BCAS3: variants seen among roughly 807,000 people sequenced by gnomAD.
The protein encoded by BCAS3 is BCAS3 microtubule associated cell migration factor, also known as BCAS4/BCAS3 fusion.
In BCAS3, 53 loss-of-function variants were observed where a neutral mutation model predicts 116.1. The observed-to-expected ratio is 0.46, with a 90% CI of 0.37 to 0.57. The LOEUF (loss-of-function observed/expected upper bound fraction) is 0.57, where lower values mean the gene tolerates loss of function less well. Ranked by LOEUF, BCAS3 falls within the 20% of genes least tolerant of loss-of-function variation. The pLI, the probability that BCAS3 is intolerant of heterozygous loss-of-function variation, is 0.00. For synonymous variants in BCAS3, 391 were observed against 408.2 expected, an observed-to-expected ratio of 0.96 and a Z score of 0.51; for missense variants, 917 against 1,165.4, an observed-to-expected ratio of 0.79 and a Z score of 3.10.
chr17:60,987,952 G>A (rs1296456443), intron 14 of BCAS3, among the ~76,000 whole-genome samples: 2 of 152,074 alleles, frequency 1.3e-5, no homozygotes, highest in Non-Finnish European at 2.9e-5. Flanking sequence ...TAAGATACTA[G>A]CTGTGGGTCC....
At chr17:60,825,350 C>G (rs1385817669) in intron 7 of BCAS3, among the ~76,000 whole-genome samples, 1 of 151,358 alleles carries the variant, frequency 6.6e-6, no homozygotes. Context: ...GTTAAAAGAG[C>G]TTAAAGCTTA....
In BCAS3 at chr17:61,141,899, C is replaced by CA. The variant is rs1175455472; in HGVS notation, c.2425+57337dup. Reference sequence around the variant, plus strand: ...CTGGTGACAGAGCGAGACCCCACCTCAAGAAAAAAAAAAAAAAAAAAGTTA... The same window carrying CA: ...CTGGTGACAGAGCGAGACCCCACCTCAAAGAAAAAAAAAAAAAAAAAAGTTA... On this transcript the variant is annotated intron_variant, in intron 22 of 23. Transcript: ENST00000407086. The surrounding 1 kb of genome is among the most constrained non-coding windows in gnomAD (Gnocchi z 4.3). Among the ~76,000 whole-genome samples the CA allele has an allele frequency of 1.3e-3, 44 of 33,048 alleles. No homozygotes were observed. Among genetic ancestry groups the CA allele is most frequent in the African/African-American group, 4.1e-3 (39 of 9,550 alleles). 21.7% of individuals were successfully genotyped at this position (33,048 alleles called of 152,430 possible).
rs185191978 is a variant in BCAS3, at chr17:61,151,633, T to C, written c.2425+67069T>C. 2.6e-5 allele frequency among the ~76,000 whole-genome samples: 4 copies of C among 152,106 alleles called. No homozygotes were observed. The highest frequency in any genetic ancestry group is 9.7e-5 in the African/African-American group (4 of 41,414). On this transcript the variant is annotated intron_variant, in intron 22 of 23. Coordinates refer to ENST00000407086, the MANE Select transcript of BCAS3 (RefSeq NM_017679.5). The surrounding 1 kb of genome is among the most constrained non-coding windows in gnomAD (Gnocchi z 4.8). The stretch of plus-strand genomic sequence containing the variant: ...CTAGCACGCCCAGCAAATTTTTAAA[T>C]TTTTGGCAGAAACAAGTTCTCGCCA...
intron 7 of BCAS3, among the ~76,000 whole-genome samples, chr17:60,857,790 A>G (rs949902107): frequency 5.3e-5 from 8 of 152,190 alleles, no homozygotes; most frequent in Non-Finnish European, 1.0e-4. Flanking sequence ...GAAGACCCTT[A>G]TTTTAAAGAA....
intron 22 of BCAS3, among the ~76,000 whole-genome samples, chr17:61,253,187 C>T (rs1347349451): frequency 6.6e-6 from 1 of 151,448 alleles, no homozygotes; most frequent in Admixed American, 6.6e-5. Context: ...GTTGCTATAC[C>T]ATTTGTTCCT....
At chr17:60,957,968 A>G (rs1285765170) in intron 14 of BCAS3, among the ~76,000 whole-genome samples, 1 of 152,256 alleles carries the variant, frequency 6.6e-6, no homozygotes, top group Non-Finnish European at 1.5e-5. Flanking sequence ...AACAATGAAC[A>G]GTAGTTTTCT....
chr17:61,019,391 G>A lies in BCAS3; in HGVS notation c.1637+3490G>A, dbSNP rs72844903. Among the ~76,000 whole-genome samples the A allele has an allele frequency of 0.1, 15,843 of 152,130 alleles. 1,016 individuals carry two copies. Among genetic ancestry groups the A allele is most frequent in the Non-Finnish European group, 0.15 (9,904 of 67,970 alleles). On this transcript the variant is annotated intron_variant, in intron 16 of 23. Coordinates refer to ENST00000407086, the MANE Select transcript of BCAS3 (RefSeq NM_017679.5). The surrounding 1 kb of genome is among the most constrained non-coding windows in gnomAD (Gnocchi z 5.6). ...TAAGCCACTCTCTGAAGAGTTTGTTGATTATACCTGGAAACTACTATTGAC... is the reference window on the plus strand; with the variant it reads ...TAAGCCACTCTCTGAAGAGTTTGTTAATTATACCTGGAAACTACTATTGAC...
Position 61,254,282 on chromosome 17 carries a change from T to G in BCAS3, c.2426-114045T>G, listed in dbSNP as rs1258006591. Among the ~76,000 whole-genome samples, 5 of 152,218 alleles carry G rather than the reference T, an allele frequency of 3.3e-5. No individual in the cohort carries two copies. The South Asian group carries it at 1.0e-3, about 32-fold the overall frequency. On this transcript the variant is annotated intron_variant, in intron 22 of 23. Transcript: ENST00000407086. ...CAGGCCTCACAGAACACTTCTGCCG[T>G]AAAGAGGGCTTGCTTTCAGAATGCT...
In BCAS3 at chr17:61,215,139, A is replaced by G. The variant is rs577027000; in HGVS notation, c.2425+130575A>G. Among the ~76,000 whole-genome samples, 15 of 152,348 alleles carry G rather than the reference A, an allele frequency of 9.8e-5. No individual in the cohort carries two copies. The South Asian group carries it at 2.5e-3, about 25-fold the overall frequency. The stretch of plus-strand genomic sequence containing the variant: ...GACTTAATCTAATTATTTTCAGTTC[A>G]GGGAGCTTCCTGAAAATGGAGGACA... On this transcript the variant is annotated intron_variant, in intron 22 of 23. Transcript: ENST00000407086. This position sits in a 1 kb window ranked among gnomAD's most constrained non-coding sequence, Gnocchi z 4.8.
intron 21 of BCAS3, among the ~76,000 whole-genome samples, chr17:61,080,549 C>G (rs960272537): frequency 2.6e-5 from 4 of 151,986 alleles, no homozygotes; most frequent in African/African-American, 9.7e-5. Flanking sequence ...TCGAGACCAG[C>G]CTGGCCAACA....
In BCAS3 at chr17:61,251,738, A is replaced by G. The variant is rs541391518; in HGVS notation, c.2426-116589A>G. Among the ~76,000 whole-genome samples, 7 of 152,358 alleles carry G rather than the reference A, an allele frequency of 4.6e-5. No individual in the cohort carries two copies. In the South Asian group the frequency reaches 1.4e-3, roughly 32 times the overall value. ...GCAGATAATCTGGCCCCCATAAAAA[A>G]GCAATAGCAACTGGGAAAAGGCTAG... On this transcript the variant is annotated intron_variant, in intron 22 of 23. Coordinates refer to ENST00000407086, the MANE Select transcript of BCAS3 (RefSeq NM_017679.5). The surrounding 1 kb of genome is among the most constrained non-coding windows in gnomAD (Gnocchi z 4.7).
intron 10 of BCAS3, among the ~76,000 whole-genome samples, chr17:60,898,318 A>C (rs577922157): frequency 1.2e-4 from 19 of 152,314 alleles, no homozygotes; most frequent in African/African-American, 4.6e-4. Flanking sequence ...CATCAGGTGC[A>C]ACAGTTACTT....
rs907669238 is a variant in BCAS3 at position 61,278,224 on chromosome 17, G to T, written c.2426-90103G>T. On this transcript the variant is annotated intron_variant, in intron 22 of 23. Coordinates refer to ENST00000407086, the MANE Select transcript of BCAS3 (RefSeq NM_017679.5). This position sits in a 1 kb window ranked among gnomAD's most constrained non-coding sequence, Gnocchi z 5.8. ...TGCCCAGCTAATTTTTGTATTTTTAGTAGAGACGGGGTTTCACCATGTTGG... is the reference window on the plus strand; with the variant it reads ...TGCCCAGCTAATTTTTGTATTTTTATTAGAGACGGGGTTTCACCATGTTGG... Among the ~76,000 whole-genome samples the T allele has an allele frequency of 6.6e-6, 1 of 152,120 alleles. No homozygotes were observed. The highest frequency in any genetic ancestry group is 1.5e-5 in the Non-Finnish European group (1 of 68,026).
rs1318783242 is a variant in BCAS3, at chr17:60,910,836, G to A, written c.993+134G>A. ...AGGAATTCAGATTATTTCAAATGAGGTTTTTCTTTAAAAATGATTAGTAAC... is the reference window on the plus strand; with the variant it reads ...AGGAATTCAGATTATTTCAAATGAGATTTTTCTTTAAAAATGATTAGTAAC... On this transcript the variant is annotated intron_variant, in intron 12 of 23. Transcript: ENST00000407086. 1.1e-5 allele frequency: 9 copies of A among 831,662 alleles called. No individual in the cohort carries two copies. In the East Asian group the frequency reaches 1.2e-4, roughly 11 times the overall value. 51.5% of individuals were successfully genotyped at this position (831,662 alleles called of 1,614,324 possible).
At position 61,087,144 on chromosome 17, in the gene BCAS3, G is replaced by T. The variant is rs2073157502; in HGVS notation, c.2425+2580G>T. The T allele has an allele frequency of 1.0e-6, 1 of 985,252 alleles. No homozygotes were observed. The highest frequency in any genetic ancestry group is 1.1e-4 in the East Asian group (1 of 8,830). 61.0% of individuals were successfully genotyped at this position (985,252 alleles called of 1,614,324 possible). Reference sequence around the variant, plus strand: ...ATTTTTATAATTGCTCTTGAACCGGGAAGTGCACCTCTGATTATGATCCAT... The same window carrying T: ...ATTTTTATAATTGCTCTTGAACCGGTAAGTGCACCTCTGATTATGATCCAT... On this transcript the variant is annotated intron_variant, in intron 22 of 23. Transcript: ENST00000407086. The surrounding 1 kb of genome is among the most constrained non-coding windows in gnomAD (Gnocchi z 4.6).
intron 5 of BCAS3, among the ~76,000 whole-genome samples, chr17:60,736,283 A>G (rs2040948539): frequency 6.6e-6 from 1 of 151,840 alleles, no homozygotes; most frequent in African/African-American, 2.4e-5. Flanking sequence ...CATGAGAGAT[A>G]TTGATCTGTG....
rs527364457 is a variant in BCAS3 at position 60,961,407 on chromosome 17, A to G, written c.1221+14055A>G. ...AATGTCCAGGTGGAAACTGTCATGC[A>G]GGAGCTGCTGCTTCAATCTATAGGA... On this transcript the variant is annotated intron_variant, in intron 14 of 23. Transcript: ENST00000407086. This position sits in a 1 kb window ranked among gnomAD's most constrained non-coding sequence, Gnocchi z 4.8. Among the ~76,000 whole-genome samples the G allele has an allele frequency of 6.6e-6, 1 of 152,184 alleles. No homozygotes were observed. The highest frequency in any genetic ancestry group is 1.5e-5 in the Non-Finnish European group (1 of 68,036).
chr17:61,376,411 A>C lies in BCAS3; in HGVS notation c.2593+7917A>C, dbSNP rs937060414. 6.6e-6 allele frequency among the ~76,000 whole-genome samples: 1 copy of C among 152,114 alleles called. No homozygotes were observed. The highest frequency in any genetic ancestry group is 1.5e-5 in the Non-Finnish European group (1 of 68,002). ...ACCACCAAGCTGCTTTGATCTTTCCAGAGAATCTTCTCTCCTCTTCCTACA... is the reference window on the plus strand; with the variant it reads ...ACCACCAAGCTGCTTTGATCTTTCCCGAGAATCTTCTCTCCTCTTCCTACA... On this transcript the variant is annotated intron_variant, in intron 23 of 23. Coordinates refer to ENST00000407086, the MANE Select transcript of BCAS3 (RefSeq NM_017679.5). This position sits in a 1 kb window ranked among gnomAD's most constrained non-coding sequence, Gnocchi z 4.5.
At chr17:60,718,216 C>T (rs1001132257) in intron 5 of BCAS3, among the ~76,000 whole-genome samples, 1 of 151,766 alleles carries the variant, frequency 6.6e-6, no homozygotes, top group African/African-American at 2.4e-5. Flanking sequence ...GATTGGGGGA[C>T]CCCTCAACTA....
Sources: gnomAD v4.1 joint callset for allele counts (sites outside exome capture counted in the v4.1 genomes callset) on GRCh38, gnomAD v4.1.1 for gene constraint, Gnocchi (gnomAD v3.1) non-coding constraint, MANE v1.5 for transcripts, NCBI Gene and HGNC (gene_info 2026-07-23, HGNC 2026-07-21) for gene names.